Variants in ZNF385D observed in about 807,000 individuals in gnomAD.
ZNF385D encodes zinc finger protein 659.
Under a neutral mutation model 35.8 loss-of-function variants are expected in ZNF385D, and 15 were observed. That is an observed-to-expected ratio of 0.42 (90% CI 0.28 to 0.64). ZNF385D has a LOEUF of 0.64. Among genes scored for constraint, ZNF385D ranks in the 30% least tolerant of loss-of-function variants. The probability of loss-of-function intolerance (pLI) is 0.23; values close to 1 mark genes in which losing one functional copy is unlikely to be tolerated. For missense variants in ZNF385D, 474 were observed against 494.6 expected (o/e 0.96, Z 0.39); for synonymous variants, 212 against 186.8 (o/e 1.13, Z -1.10).
At chr3:21,665,662 G>A (rs2066383296) in intron 1 of ZNF385D, among the ~76,000 whole-genome samples, 1 of 152,174 alleles carries the variant, frequency 6.6e-6, no homozygotes, top group African/African-American at 2.4e-5. Context: ...TCCCAGTCAT[G>A]AGTAGGTGGA....
chr3:22,126,215 G>C (rs1176592733), intron 3 of ZNF385D, among the ~76,000 whole-genome samples: 1 of 150,460 alleles, frequency 6.6e-6, no homozygotes, highest in Non-Finnish European at 1.5e-5. Context: ...GTATCATATT[G>C]ACTGATTTGC....
chr3:22,133,357 A>G (rs1160991828), intron 3 of ZNF385D, among the ~76,000 whole-genome samples: 3 of 152,050 alleles, frequency 2.0e-5, no homozygotes, highest in Admixed American at 6.6e-5. Context: ...TAAACTCTCT[A>G]TATCTCTATA....
intron 2 of ZNF385D, among the ~76,000 whole-genome samples, chr3:22,332,382 G>A (rs570434287): frequency 6.6e-6 from 1 of 152,074 alleles, no homozygotes; most frequent in South Asian, 2.1e-4. Context: ...TTAGCCTGAA[G>A]ATTCAATGAA....
chr3:21,421,284 G>A lies in ZNF385D; in HGVS notation c.1118C>T (p.Pro373Leu), dbSNP rs1178219211. 4 of 1,614,074 alleles carry A rather than the reference G, an allele frequency of 2.5e-6. No homozygotes were observed. The Admixed American group carries it at 5.0e-5, about 20-fold the overall frequency. ...TCCAGGAGCTGGCCGCAGGAGTGCCGGAGGAAGCGCGGAAGTCTGGAACAG... is the reference window on the plus strand; with the variant it reads ...TCCAGGAGCTGGCCGCAGGAGTGCCAGAGGAAGCGCGGAAGTCTGGAACAG... ...ATLFQTSALP[P>L]ALLRPAPGPI... Residue 373 changes from proline to leucine, a missense_variant, in exon 8 of 8, where the codon CCG (proline) becomes CTG (leucine). Pro to Leu is a moderately conservative substitution (Grantham distance 98). Coordinates refer to ENST00000281523, the MANE Select transcript of ZNF385D (RefSeq NM_024697.3).
At chr3:21,504,863 G>A (rs1706655757) in intron 4 of ZNF385D, among the ~76,000 whole-genome samples, 1 of 152,166 alleles carries the variant, frequency 6.6e-6, no homozygotes, top group African/African-American at 2.4e-5. Context: ...GGTAAGAGAT[G>A]TGGTTTATGT....
intron 3 of ZNF385D, among the ~76,000 whole-genome samples, chr3:21,824,266 T>G (rs1485440574): frequency 6.6e-6 from 1 of 152,172 alleles, no homozygotes; most frequent in African/African-American, 2.4e-5. Flanking sequence ...AAACGACATA[T>G]CTACGTGTTT....
chr3:21,436,785 C>A (rs570378922), intron 5 of ZNF385D, 185 bp downstream of exon 5: 1 of 607,948 alleles, frequency 1.6e-6, no homozygotes, highest in African/African-American at 1.9e-5. Flanking sequence ...GCCCTGGAAA[C>A]CACCCCTTGC....
chr3:22,321,371 T>A (rs911087556), intron 2 of ZNF385D, among the ~76,000 whole-genome samples: 1 of 151,842 alleles, frequency 6.6e-6, no homozygotes, highest in African/African-American at 2.4e-5. Context: ...TTAAAAAAAA[T>A]TATTTATTTT....
At chr3:21,895,711 C>T (rs73820173) in intron 3 of ZNF385D, among the ~76,000 whole-genome samples, 42 of 151,796 alleles carry the variant, frequency 2.8e-4, no homozygotes, top group Middle Eastern at 3.4e-3. Context: ...TATGCAGGAC[C>T]GGTTGGAGTG....
intron 2 of ZNF385D, among the ~76,000 whole-genome samples, chr3:22,239,644 T>C (rs1438499948): frequency 6.6e-6 from 1 of 151,120 alleles, no homozygotes; most frequent in East Asian, 1.9e-4. Context: ...TAATCTTATG[T>C]TATATTTATT....
At chr3:21,947,689 T>A (rs1397722147) in intron 3 of ZNF385D, among the ~76,000 whole-genome samples, 1 of 152,128 alleles carries the variant, frequency 6.6e-6, no homozygotes, top group Non-Finnish European at 1.5e-5. Context: ...TGACTATTTT[T>A]TGCGTGTAAT....
chr3:21,642,346 T>C (rs1047104710), intron 2 of ZNF385D, among the ~76,000 whole-genome samples: 6 of 152,122 alleles, frequency 3.9e-5, no homozygotes, highest in Middle Eastern at 3.4e-3. Flanking sequence ...CCTCACTCTT[T>C]GTGTGTCCAA....
intron 2 of ZNF385D, among the ~76,000 whole-genome samples, chr3:22,191,910 A>G (rs577708039): frequency 2.3e-5 from 2 of 87,876 alleles, no homozygotes; most frequent in African/African-American, 1.0e-4. Flanking sequence ...GTACCAATCT[A>G]TAAAAAAACA....
At chr3:21,836,784 T>A (rs1000672327) in intron 3 of ZNF385D, among the ~76,000 whole-genome samples, 2 of 152,116 alleles carry the variant, frequency 1.3e-5, no homozygotes, top group Non-Finnish European at 2.9e-5. Flanking sequence ...ATTAAACAAA[T>A]GTAAAAAACA....
intron 1 of ZNF385D, among the ~76,000 whole-genome samples, chr3:21,682,440 A>G (rs1208834085): frequency 6.7e-6 from 1 of 150,262 alleles, no homozygotes; most frequent in Admixed American, 6.6e-5. Flanking sequence ...TTTAAAAACT[A>G]ACATAGAAAG....
chr3:21,810,167 C>A (rs1221172439), intron 3 of ZNF385D, among the ~76,000 whole-genome samples: 4 of 152,022 alleles, frequency 2.6e-5, no homozygotes, highest in Admixed American at 6.6e-5. Context: ...ATCAAATCTA[C>A]AATGTATAAA....
intron 2 of ZNF385D, among the ~76,000 whole-genome samples, chr3:21,583,980 T>TTATTTATA (rs2063740644): frequency 6.7e-6 from 1 of 149,080 alleles, no homozygotes; most frequent in African/African-American, 2.5e-5. Context: ...ATTTATTTAT[T>TTATTTATA]TATTTATTTT....
chr3:22,358,352 T>G (rs1253038884), intron 2 of ZNF385D, among the ~76,000 whole-genome samples: 1 of 151,926 alleles, frequency 6.6e-6, no homozygotes, highest in Non-Finnish European at 1.5e-5. Flanking sequence ...ATGCCCAAGG[T>G]GGCAGAGCCT....
intron 3 of ZNF385D, among the ~76,000 whole-genome samples, chr3:21,968,888 C>T (rs1703070997): frequency 6.6e-6 from 1 of 152,150 alleles, no homozygotes; most frequent in South Asian, 2.1e-4. Context: ...ACCAGCTGGG[C>T]CACAGTGGTG....
Sources: allele counts gnomAD v4.1 joint callset (sites outside exome capture counted in the v4.1 genomes callset), GRCh38; gene constraint gnomAD v4.1.1; transcripts MANE v1.5; gene names NCBI Gene and HGNC (gene_info 2026-07-23, HGNC 2026-07-21).